The following SDK1 variants were observed in gnomAD, a reference collection of about 807,000 sequenced individuals.
SDK1 encodes protein sidekick-1.
A neutral mutation model predicts 245.5 loss-of-function variants in SDK1; 157 were observed. The ratio of observed to expected loss-of-function variants is 0.64; its 90% CI spans 0.56 to 0.73. The LOEUF (loss-of-function observed/expected upper bound fraction) is 0.73, where lower values mean the gene tolerates loss of function less well. SDK1 is among the 30% of genes least tolerant of loss of function. The probability of loss-of-function intolerance (pLI) is 0.00; values close to 1 mark genes in which losing one functional copy is unlikely to be tolerated. For synonymous variants in SDK1, 1,647 were observed against 1,278.5 expected (o/e 1.29, Z -6.15); for missense variants, 3,583 against 3,002.3 (o/e 1.19, Z -4.52).
intron 1 of SDK1, chr7:3,338,175 G>T (rs779642227): frequency 3.3e-4 from 83 of 252,072 alleles, no homozygotes; most frequent in Non-Finnish European, 5.9e-4. Context: ...TGTTCTCTAG[G>T]CCTTTTAGAA....
chr7:3,414,609 A>G (rs1208892315), intron 1 of SDK1, among the ~76,000 whole-genome samples: 3 of 152,350 alleles, frequency 2.0e-5, no homozygotes, highest in East Asian at 1.9e-4. Context: ...TTTGTCTACT[A>G]TAAAATTTAT....
At chr7:4,093,915 G>A (rs927377580) in intron 22 of SDK1, among the ~76,000 whole-genome samples, 3 of 152,124 alleles carry the variant, frequency 2.0e-5, no homozygotes, top group African/African-American at 7.2e-5. Context: ...AGCCTCTTGC[G>A]ATACACCTCT....
chr7:3,503,605 G>T (rs191816737), intron 1 of SDK1, among the ~76,000 whole-genome samples: 7 of 151,932 alleles, frequency 4.6e-5, no homozygotes, highest in Non-Finnish European at 8.8e-5. Context: ...AGAGACCAGG[G>T]GTTTGAGGCT....
chr7:3,820,418 G>A (rs558221317), intron 4 of SDK1, among the ~76,000 whole-genome samples: 52 of 152,144 alleles, frequency 3.4e-4, no homozygotes, highest in Non-Finnish European at 6.6e-4. Flanking sequence ...AAAGTGCTGG[G>A]ATCACAGATG....
intron 28 of SDK1, among the ~76,000 whole-genome samples, chr7:4,132,900 C>T (rs1254303187): frequency 2.6e-5 from 4 of 152,244 alleles, no homozygotes; most frequent in East Asian, 3.9e-4. Context: ...TTCTGAGCTA[C>T]GTACTAAAGG....
chr7:3,510,801 T>C (rs539092212), intron 1 of SDK1, among the ~76,000 whole-genome samples: 1 of 152,346 alleles, frequency 6.6e-6, no homozygotes, highest in Non-Finnish European at 1.5e-5. Flanking sequence ...CAGGCCTGGA[T>C]ACGTTCATGG....
At chr7:4,028,422 C>T (rs116738291) in intron 17 of SDK1, among the ~76,000 whole-genome samples, 52 of 152,312 alleles carry the variant, frequency 3.4e-4, no homozygotes, top group African/African-American at 1.2e-3. Context: ...GACATCACCA[C>T]GTGTGCAGGC....
intron 1 of SDK1, among the ~76,000 whole-genome samples, chr7:3,327,776 T>C (rs1779971484): frequency 6.6e-6 from 1 of 152,188 alleles, no homozygotes; most frequent in African/African-American, 2.4e-5. Context: ...TTTGCAGAAA[T>C]AGTAATGTGT....
intron 23 of SDK1, among the ~76,000 whole-genome samples, chr7:4,111,804 G>A (rs10275884): frequency 0.2 from 30,911 of 152,168 alleles, 3,285 homozygotes; most frequent in Middle Eastern, 0.3. Flanking sequence ...GTGCATACTT[G>A]GGATATTTTT....
intron 4 of SDK1, among the ~76,000 whole-genome samples, chr7:3,764,109 T>C (rs1200437440): frequency 1.3e-5 from 2 of 152,230 alleles, no homozygotes; most frequent in Non-Finnish European, 2.9e-5. Flanking sequence ...AGTATTGTTA[T>C]AATACTCGTA....
In SDK1 at chr7:3,717,455, T is replaced by A. The variant is rs533943764; in HGVS notation, c.713+75350T>A. ...AACTAAGGGCATGCTGAGAGGAAAA[T>A]TTATAGCATTAAATGTGTATATTAG... On this transcript the variant is annotated intron_variant, in intron 4 of 44. Coordinates refer to ENST00000404826, the MANE Select transcript of SDK1 (RefSeq NM_152744.4). 2.0e-5 allele frequency among the ~76,000 whole-genome samples: 3 copies of A among 152,024 alleles called. 1 individual carries two copies. The highest frequency in any genetic ancestry group is 7.2e-5 in the African/African-American group (3 of 41,468).
intron 1 of SDK1, among the ~76,000 whole-genome samples, chr7:3,586,032 A>G (rs1583197327): frequency 6.6e-6 from 1 of 152,168 alleles, no homozygotes; most frequent in African/African-American, 2.4e-5. Context: ...GAAGAGAGCT[A>G]CATTGCTGTG....
Position 4,122,129 on chromosome 7 carries a change from C to G in SDK1, c.3824-5252C>G, listed in dbSNP as rs186165864. Reference sequence around the variant, plus strand: ...AGGGGCCCAGATGCTGCAGGACTTCCGCTCCCCCTCCTTGTGTTTAGCTCA... The same window carrying G: ...AGGGGCCCAGATGCTGCAGGACTTCGGCTCCCCCTCCTTGTGTTTAGCTCA... On this transcript the variant is annotated intron_variant, in intron 25 of 44. Coordinates refer to ENST00000404826, the MANE Select transcript of SDK1 (RefSeq NM_152744.4). Among the ~76,000 whole-genome samples the G allele has an allele frequency of 9.6e-4, 146 of 152,152 alleles. 1 individual carries two copies. The highest frequency in any genetic ancestry group is 3.2e-3 in the African/African-American group (133 of 41,486).
intron 44 of SDK1, among the ~76,000 whole-genome samples, chr7:4,263,198 C>T (rs190162415): frequency 3.6e-5 from 3 of 83,174 alleles, no homozygotes; most frequent in Non-Finnish European, 6.9e-5. Flanking sequence ...TGCCCACCCG[C>T]TTCCCTGTAC....
intron 4 of SDK1, among the ~76,000 whole-genome samples, chr7:3,759,181 C>T (rs573351652): frequency 6.6e-6 from 1 of 152,306 alleles, no homozygotes; most frequent in African/African-American, 2.4e-5. Context: ...AGTCAAATCA[C>T]TGTTTCCCAA....
At chr7:3,552,356 A>C (rs1779447080) in intron 1 of SDK1, among the ~76,000 whole-genome samples, 1 of 152,090 alleles carries the variant, frequency 6.6e-6, no homozygotes, top group Non-Finnish European at 1.5e-5. Context: ...TACTCTTTTG[A>C]ACCCTGTGGT....
chr7:3,649,161 G>T (rs1194185222), intron 4 of SDK1, among the ~76,000 whole-genome samples: 1 of 152,290 alleles, frequency 6.6e-6, no homozygotes, highest in African/African-American at 2.4e-5. Context: ...ACACTTTGGG[G>T]TGAGGGTCGT....
chr7:3,566,261 G>C (rs1421543911), intron 1 of SDK1, among the ~76,000 whole-genome samples: 4 of 129,040 alleles, frequency 3.1e-5, no homozygotes, highest in Non-Finnish European at 3.1e-5. Context: ...GTCTCGCTCT[G>C]TCGCCCAGGC....
chr7:3,482,164 G>A (rs1781541613), intron 1 of SDK1, among the ~76,000 whole-genome samples: 1 of 152,204 alleles, frequency 6.6e-6, no homozygotes, highest in Admixed American at 6.5e-5. Flanking sequence ...TAGTTTTACA[G>A]TCTATTCATC....
Sources: allele counts gnomAD v4.1 joint callset (sites outside exome capture counted in the v4.1 genomes callset), GRCh38; gene constraint gnomAD v4.1.1; transcripts MANE v1.5; gene names NCBI Gene and HGNC (gene_info 2026-07-23, HGNC 2026-07-21).